Variants in UBAP1 observed in about 807,000 individuals in gnomAD.
UBAP1 encodes the protein ubiquitin associated protein 1.
UBAP1 carries 5 observed loss-of-function variants against 39.0 expected under a neutral mutation model. The ratio of observed to expected loss-of-function variants is 0.13; its 90% confidence interval spans 0.07 to 0.27. The LOEUF is 0.27. Among genes scored for constraint, UBAP1 ranks in the 10% least tolerant of loss-of-function variants. The probability of loss-of-function intolerance (pLI) is 1.00; values close to 1 mark genes in which losing one functional copy is unlikely to be tolerated. For missense variants in UBAP1, 490 were observed against 608.1 expected (o/e 0.81, Z 2.04); for synonymous variants, 211 against 225.1 (o/e 0.94, Z 0.56).
intron 1 of UBAP1, among the ~76,000 whole-genome samples, chr9:34,186,918 ATTT>A (rs1472846265): frequency 1.3e-5 from 2 of 148,950 alleles, no homozygotes; most frequent in Non-Finnish European, 3.0e-5. Flanking sequence ...TTTATTTTTT[ATTT>A]TTTGAGATGG....
intron 4 of UBAP1, among the ~76,000 whole-genome samples, chr9:34,243,608 G>C (rs1455224941): frequency 6.6e-6 from 1 of 151,784 alleles, no homozygotes; most frequent in Admixed American, 6.6e-5. Context: ...GCCTCTCGCA[G>C]CCTGCCAAGT....
intron 3 of UBAP1, among the ~76,000 whole-genome samples, chr9:34,238,667 A>T (rs1426187417): frequency 6.6e-6 from 1 of 151,998 alleles, no homozygotes; most frequent in East Asian, 1.9e-4. Flanking sequence ...GTGTATGGAG[A>T]CTTTATTGGG....
intron 1 of UBAP1, among the ~76,000 whole-genome samples, chr9:34,213,166 A>G (rs1227687761): frequency 6.6e-6 from 1 of 152,264 alleles, no homozygotes; most frequent in East Asian, 1.9e-4. Context: ...TATGATTAGA[A>G]CTCTCAGCAA....
intron 1 of UBAP1, among the ~76,000 whole-genome samples, chr9:34,185,297 C>A (rs1048875853): frequency 1.3e-5 from 2 of 152,168 alleles, no homozygotes; most frequent in Non-Finnish European, 2.9e-5. Flanking sequence ...CCTGTAGTCC[C>A]AGCAGTTTGG....
At chr9:34,226,028 T>A (rs2131590491) in intron 2 of UBAP1, among the ~76,000 whole-genome samples, 1 of 151,866 alleles carries the variant, frequency 6.6e-6, no homozygotes, top group East Asian at 1.9e-4. Flanking sequence ...AGTTTGAGGA[T>A]AAGTATACAC....
At position 34,187,141 on chromosome 9, in the gene UBAP1, C is replaced by T. The variant is rs895812118; in HGVS notation, c.-8+7901C>T. ...CAGGCTGGTCTTGAACTCCTGACCT[C>T]AGGTGATCCACCCGCCTGGGCCTCC... is the stretch of plus-strand genomic sequence containing the variant. On this transcript the variant is annotated intron_variant, in intron 1 of 6. Transcript: ENST00000297661. Among the ~76,000 whole-genome samples, 4 of 152,186 alleles carry T rather than the reference C, an allele frequency of 2.6e-5. No individual in the cohort carries two copies. The East Asian group carries it at 5.8e-4, about 22-fold the overall frequency.
At chr9:34,234,385 A>G (rs1833575760) in intron 3 of UBAP1, 45 bp downstream of exon 3, 5 of 1,552,524 alleles carry the variant, frequency 3.2e-6, no homozygotes, top group African/African-American at 1.4e-5. Context: ...TTAAAAGTTT[A>G]AAGAGTAAGA....
chr9:34,187,582 C>T (rs899633366), intron 1 of UBAP1, among the ~76,000 whole-genome samples: 1 of 152,134 alleles, frequency 6.6e-6, no homozygotes, highest in Admixed American at 6.6e-5. Flanking sequence ...TCAGTCTAAG[C>T]TGTTAGCACT....
At chr9:34,245,919 G>A (rs1023807907) in intron 4 of UBAP1, among the ~76,000 whole-genome samples, 1 of 151,396 alleles carries the variant, frequency 6.6e-6, no homozygotes, top group Non-Finnish European at 1.5e-5. Context: ...CATTTTGGGA[G>A]GCCGAGGTGG....
chr9:34,246,731 A>G (rs1397762352), intron 4 of UBAP1, among the ~76,000 whole-genome samples: 1 of 152,226 alleles, frequency 6.6e-6, no homozygotes, highest in Non-Finnish European at 1.5e-5. Context: ...TCTTGAGGTT[A>G]GGCTTGAGGG....
intron 1 of UBAP1, among the ~76,000 whole-genome samples, chr9:34,202,624 C>CCTCTGTGTGTGTGTGTGTGTGTGTGTGT (rs1491103579): frequency 1.8e-4 from 19 of 107,364 alleles, no homozygotes; most frequent in African/African-American, 7.4e-4. Context: ...TAGACAGAAA[C>CCTCTGTGTGTGTGTGTGTGTGTGTGTGT]GTGTGTGTGT....
chr9:34,217,860 C>T (rs1832424588), intron 1 of UBAP1, among the ~76,000 whole-genome samples: 3 of 131,054 alleles, frequency 2.3e-5, no homozygotes, highest in Admixed American at 8.7e-5. Context: ...TGCAGTGGCA[C>T]CATCTCGGCT....
At chr9:34,249,075 G>T (rs1322437218) in intron 4 of UBAP1, among the ~76,000 whole-genome samples, 3 of 152,154 alleles carry the variant, frequency 2.0e-5, no homozygotes. Flanking sequence ...TGTAGCTGGT[G>T]GGCAGGTCCC....
chr9:34,236,085 C>T (rs1465322165), intron 3 of UBAP1, among the ~76,000 whole-genome samples: 1 of 151,752 alleles, frequency 6.6e-6, no homozygotes, highest in African/African-American at 2.4e-5. Flanking sequence ...GTCTCGAGCT[C>T]CTGACTTCAG....
chr9:34,213,382 G>T (rs1832121012), intron 1 of UBAP1, among the ~76,000 whole-genome samples: 1 of 151,946 alleles, frequency 6.6e-6, no homozygotes, highest in East Asian at 1.9e-4. Flanking sequence ...ATGGTGGCAG[G>T]CGCTTGCAAT....
chr9:34,237,978 G>A (rs1191674671), intron 3 of UBAP1, among the ~76,000 whole-genome samples: 1 of 152,104 alleles, frequency 6.6e-6, no homozygotes, highest in Non-Finnish European at 1.5e-5. Context: ...CACCCCAAAA[G>A]GAAACCCAGT....
intron 1 of UBAP1, among the ~76,000 whole-genome samples, chr9:34,180,702 T>C (rs994293279): frequency 1.4e-4 from 21 of 152,132 alleles, no homozygotes; most frequent in African/African-American, 5.1e-4. Context: ...ATTACAGAAA[T>C]GCTAAACTTA....
intron 4 of UBAP1, 74 bp downstream of exon 4, chr9:34,242,182 GT>G (rs1246232383): frequency 4.1e-6 from 6 of 1,461,124 alleles, no homozygotes; most frequent in Middle Eastern, 1.8e-4. Context: ...TTGTTGTTTG[GT>G]TGATTTTTTT....
At chr9:34,184,278 A>G (rs892103246) in intron 1 of UBAP1, among the ~76,000 whole-genome samples, 2 of 151,990 alleles carry the variant, frequency 1.3e-5, no homozygotes, top group Non-Finnish European at 2.9e-5. Flanking sequence ...GGGTGCTGAC[A>G]CTGGGTATGT....
Sources: gnomAD v4.1 joint callset for allele counts (sites outside exome capture counted in the v4.1 genomes callset) on GRCh38, gnomAD v4.1.1 for gene constraint, MANE v1.5 for transcripts, NCBI Gene and HGNC (gene_info 2026-07-23, HGNC 2026-07-21) for gene names.